The following EML6 variants were observed in gnomAD, a reference collection of about 807,000 sequenced individuals.
EML6 encodes the protein echinoderm microtubule-associated protein-like 6.
EML6 carries 154 observed loss-of-function variants against 240.1 expected under a neutral mutation model. That is an observed-to-expected ratio of 0.64 (90% CI 0.56 to 0.73). The LOEUF (loss-of-function observed/expected upper bound fraction) is 0.73. Among genes scored for constraint, EML6 ranks in the 30% least tolerant of loss-of-function variants. The pLI is 0.00. For missense variants in EML6, 2,964 were observed against 2,474.6 expected (o/e 1.20, Z -4.20); for synonymous variants, 1,148 against 899.0 (o/e 1.28, Z -4.95).
intron 7 of EML6, among the ~76,000 whole-genome samples, chr2:54,834,488 ATTTAC>A (rs1426830998): frequency 2.6e-5 from 4 of 152,196 alleles, no homozygotes; most frequent in Non-Finnish European, 4.4e-5. Context: ...AAGATGTATT[ATTTAC>A]TTATTTGTCC....
At chr2:54,882,873 A>AAAAAAAAAAAAAAAAAAAAAAAAAAAAC (rs796515025) in intron 17 of EML6, 1 of 112,358 alleles carries the variant, frequency 8.9e-6, no homozygotes, top group Non-Finnish European at 1.9e-5. Flanking sequence ...AAAAAAAAAA[A>AAAAAAAAAAAAAAAAAAAAAAAAAAAAC]AGAAAGCTTA....
intron 19 of EML6, among the ~76,000 whole-genome samples, chr2:54,893,113 C>G (rs1672564535): frequency 6.6e-6 from 1 of 152,160 alleles, no homozygotes; most frequent in African/African-American, 2.4e-5. Flanking sequence ...AAAGGCTCAG[C>G]TTTAACAAGA....
At chr2:54,930,120 C>A (rs1674775945) in intron 28 of EML6, among the ~76,000 whole-genome samples, 1 of 152,124 alleles carries the variant, frequency 6.6e-6, no homozygotes, top group Admixed American at 6.5e-5. Flanking sequence ...TTTCTAGTTT[C>A]ATTTCTAGTT....
chr2:54,803,401 A>T (rs183235215), intron 2 of EML6, among the ~76,000 whole-genome samples: 10 of 152,308 alleles, frequency 6.6e-5, no homozygotes, highest in Non-Finnish European at 1.3e-4. Flanking sequence ...TGACAGTGGT[A>T]ATAAATCATT....
chr2:54,807,935 G>C (rs1172745179), intron 2 of EML6, among the ~76,000 whole-genome samples: 1 of 152,118 alleles, frequency 6.6e-6, no homozygotes, highest in Non-Finnish European at 1.5e-5. Flanking sequence ...ATACCAGTAA[G>C]TATAGCATAC....
chr2:54,783,820 G>A (rs1668957409), intron 2 of EML6, among the ~76,000 whole-genome samples: 1 of 152,090 alleles, frequency 6.6e-6, no homozygotes, highest in Non-Finnish European at 1.5e-5. Flanking sequence ...TGATATACTT[G>A]TAATGAGACT....
intron 28 of EML6, among the ~76,000 whole-genome samples, chr2:54,935,874 T>G (rs1027335246): frequency 2.6e-5 from 4 of 151,970 alleles, no homozygotes; most frequent in African/African-American, 9.7e-5. Context: ...AAACAAAATT[T>G]AAAAAATTAG....
chr2:54,782,734 C>G (rs1452754595), intron 2 of EML6, among the ~76,000 whole-genome samples: 1 of 151,590 alleles, frequency 6.6e-6, no homozygotes, highest in Non-Finnish European at 1.5e-5. Flanking sequence ...TATTCCTACC[C>G]TCATTCATTG....
At chr2:54,840,400 A>G (rs544219394) in intron 7 of EML6, among the ~76,000 whole-genome samples, 12 of 152,392 alleles carry the variant, frequency 7.9e-5, no homozygotes, top group Non-Finnish European at 1.2e-4. Context: ...TCTGTATACA[A>G]TGTATGTGTA....
chr2:54,960,264 A>C lies in EML6; in HGVS notation c.4898A>C (p.Lys1633Thr). The change falls in exon 35 of 42, where the codon AAG becomes ACG. Residue 1633 changes from lysine to threonine, a missense_variant. Physicochemically the swap from Lys to Thr is moderately conservative, Grantham distance 78. Coordinates refer to ENST00000356458, the MANE Select transcript of EML6 (RefSeq NM_001039753.4). ...GAVKLWDQEM[K>T]RCRAFQLETG... ...GTAAAATTGTGGGACCAGGAGATGAAGCGCTGCCGGGCCTTTCAGCTGGAG... is the reference window on the plus strand; with the variant it reads ...GTAAAATTGTGGGACCAGGAGATGACGCGCTGCCGGGCCTTTCAGCTGGAG... 6.4e-7 allele frequency: 1 copy of C among 1,551,544 alleles called. No homozygotes were observed. The highest frequency in any genetic ancestry group is 8.7e-7 in the Non-Finnish European group (1 of 1,146,942).
chr2:54,950,314 C>G (rs764572802), intron 29 of EML6, among the ~76,000 whole-genome samples: 1 of 152,198 alleles, frequency 6.6e-6, no homozygotes, highest in African/African-American at 2.4e-5. Flanking sequence ...GAGTGCCTGC[C>G]AAGGCACAGA....
intron 2 of EML6, among the ~76,000 whole-genome samples, chr2:54,798,772 C>A (rs1180643462): frequency 2.6e-5 from 4 of 152,060 alleles, no homozygotes; most frequent in African/African-American, 9.7e-5. Context: ...ATCTTTATAC[C>A]TTTTATTTAT....
At chr2:54,883,742 A>G (rs1221948347) in intron 17 of EML6, among the ~76,000 whole-genome samples, 2 of 152,240 alleles carry the variant, frequency 1.3e-5, no homozygotes, top group East Asian at 3.8e-4. Flanking sequence ...GTGCACAAAC[A>G]CACCTACACT....
intron 9 of EML6, among the ~76,000 whole-genome samples, chr2:54,849,527 C>T (rs998099921): frequency 5.9e-5 from 9 of 152,368 alleles, no homozygotes; most frequent in East Asian, 1.9e-4. Flanking sequence ...CTTGCTCTGT[C>T]GCCCAAGCTG....
At chr2:54,860,589 T>C (rs1670622255) in intron 12 of EML6, among the ~76,000 whole-genome samples, 2 of 152,110 alleles carry the variant, frequency 1.3e-5, no homozygotes, top group South Asian at 4.1e-4. Context: ...AATAATATAC[T>C]CTGGAAGGAG....
In EML6 at chr2:54,903,055, T is replaced by A. The variant is rs1392950650; in HGVS notation, c.3136T>A (p.Cys1046Ser). Reference protein sequence around the residue: ...VRKLKKGGRCCAFSPDGKALA... With the variant: ...VRKLKKGGRCSAFSPDGKALA... ...GGATTCTTCTGTAGGTGGAAGATGC[T>A]GTGCCTTTTCCCCTGATGGGAAAGC... Residue 1046 changes from cysteine to serine, a missense_variant, in exon 23 of 42, where the codon TGT (cysteine) becomes AGT (serine). Coordinates refer to ENST00000356458, the MANE Select transcript of EML6 (RefSeq NM_001039753.4). 1.3e-6 allele frequency: 2 copies of A among 1,551,346 alleles called. No homozygotes were observed. Among genetic ancestry groups the A allele is most frequent in the Non-Finnish European group, 1.7e-6 (2 of 1,146,948 alleles).
chr2:54,862,848 G>A (rs575061256), intron 12 of EML6, among the ~76,000 whole-genome samples: 5 of 152,144 alleles, frequency 3.3e-5, no homozygotes, highest in African/African-American at 4.8e-5. Context: ...TAAGGTTTAC[G>A]TGAAGAATTA....
chr2:54,799,835 T>G (rs973989238), intron 2 of EML6, among the ~76,000 whole-genome samples: 2 of 152,252 alleles, frequency 1.3e-5, no homozygotes, highest in African/African-American at 4.8e-5. Flanking sequence ...AAAACTCATT[T>G]TGAGTCTTTG....
At chr2:54,865,277 C>T (rs188098547) in intron 13 of EML6, among the ~76,000 whole-genome samples, 1 of 149,438 alleles carries the variant, frequency 6.7e-6, no homozygotes, top group Non-Finnish European at 1.5e-5. Flanking sequence ...TCACTTGAGA[C>T]CAGGAGCTTG....
Sources: allele counts gnomAD v4.1 joint callset (sites outside exome capture counted in the v4.1 genomes callset), GRCh38; gene constraint gnomAD v4.1.1; transcripts MANE v1.5; gene names NCBI Gene and HGNC (gene_info 2026-07-23, HGNC 2026-07-21).